Variants in ITGAL observed in about 807,000 individuals in gnomAD.
ITGAL encodes integrin alpha-L.
A neutral mutation model predicts 138.4 loss-of-function variants in ITGAL; 68 were observed. That is an observed-to-expected ratio of 0.49 (90% CI 0.40 to 0.60). ITGAL has a LOEUF of 0.60. Ranked by LOEUF, ITGAL falls within the 20% of genes least tolerant of loss-of-function variation. ITGAL has a pLI of 0.00. For missense variants in ITGAL, 1,256 were observed against 1,478.6 expected (o/e 0.85, Z 2.47); for synonymous variants, 561 against 584.3 (o/e 0.96, Z 0.57).
At position 30,499,503 on chromosome 16, in the gene ITGAL, C is replaced by T. The variant is rs372399118; in HGVS notation, c.2145+14C>T. On this transcript the variant is annotated intron_variant, in intron 17 of 30. Transcript: ENST00000356798. ...TTTCATTTCCCGGTAAGGGAGCCAG[C>T]GCCAATGCTCTGGGATGAGCTACCT... The T allele has an allele frequency of 1.4e-5, 22 of 1,611,830 alleles. No individual in the cohort carries two copies. Among genetic ancestry groups the T allele is most frequent in the Non-Finnish European group, 1.8e-5 (21 of 1,179,146 alleles).
Position 30,494,330 on chromosome 16 carries a change from C to A in ITGAL, c.1332C>A (p.His444Gln), listed in dbSNP as rs886682521. ...TCCAAGAGCCACAGGGCGGAGGACA[C>A]TGGAGCCAGGTCCAGACAATCCATG... ...LLFQEPQGGG[H>Q]WSQVQTIHGT... The change falls in exon 12 of 31, where the codon CAC becomes CAA. Residue 444 changes from histidine (H) to glutamine (Q), a missense_variant. This residue lies in a region of ITGAL where 867 missense variants were observed against 972.5 expected (regional missense o/e 0.89). Transcript: ENST00000356798. This position sits in a 1 kb window ranked among gnomAD's most constrained non-coding sequence, Gnocchi z 4.2. 1.2e-6 allele frequency: 2 copies of A among 1,612,446 alleles called. No individual in the cohort carries two copies. Among genetic ancestry groups the A allele is most frequent in the Non-Finnish European group, 1.7e-6 (2 of 1,178,850 alleles).
intron 25 of ITGAL, among the ~76,000 whole-genome samples, chr16:30,514,169 G>A (rs2051132206): frequency 6.6e-6 from 1 of 152,146 alleles, no homozygotes. Flanking sequence ...TGAGTGCAGT[G>A]GTGCAATCTC....
At chr16:30,504,986 A>G (rs1374713299) in intron 18 of ITGAL, 2 of 265,302 alleles carry the variant, frequency 7.5e-6, no homozygotes, top group Non-Finnish European at 7.0e-6. Context: ...GTGCCACTGC[A>G]CTCCAGCCTG....
At chr16:30,504,756 C>A (rs1180990802) in intron 18 of ITGAL, 1 of 154,800 alleles carries the variant, frequency 6.5e-6, no homozygotes, top group East Asian at 1.9e-4. Flanking sequence ...GTGGCTCACA[C>A]CTGTAATCCC....
At chr16:30,512,939 G>A (rs535534554) in intron 24 of ITGAL, among the ~76,000 whole-genome samples, 52 of 152,210 alleles carry the variant, frequency 3.4e-4, no homozygotes, top group South Asian at 6.2e-4. Flanking sequence ...GAACTCAGGT[G>A]ATCTACCTGC....
rs1298237728 is a variant in ITGAL at position 30,518,703 on chromosome 16, A to G, written c.3212A>G (p.Asn1071Ser). 2 of 1,613,056 alleles carry G rather than the reference A, an allele frequency of 1.2e-6. No homozygotes were observed. The highest frequency in any genetic ancestry group is 1.7e-6 in the Non-Finnish European group (2 of 1,179,254). Reference sequence around the variant, plus strand: ...AAGCATTTCCACCTCTATGGCAGCAACGCCTCCCTGGCCCAGGTATCTCCA... The same window carrying G: ...AAGCATTTCCACCTCTATGGCAGCAGCGCCTCCCTGGCCCAGGTATCTCCA... ...SSKHFHLYGS[N>S]ASLAQVVMKV... The change falls in exon 29 of 31, where the codon AAC becomes AGC. Residue 1071 changes from asparagine (N) to serine (S), a missense_variant. Asn to Ser is a conservative substitution (Grantham distance 46, BLOSUM62 1). Coordinates refer to ENST00000356798, the MANE Select transcript of ITGAL (RefSeq NM_002209.3).
At chr16:30,510,508 G>A (rs2051074094) in intron 22 of ITGAL, 37 bp downstream of exon 22, 5 of 1,235,108 alleles carry the variant, frequency 4.0e-6, no homozygotes, top group Non-Finnish European at 6.0e-6. Flanking sequence ...AAGCAGCCTA[G>A]GGGCCCTGAG....
chr16:30,489,011 G>A (rs143879849), intron 9 of ITGAL, 71 bp from the exon 10 acceptor site: 259 of 1,293,400 alleles, frequency 2.0e-4, no homozygotes, highest in Non-Finnish European at 2.6e-4. Context: ...CTTCTTCCCC[G>A]TCCTGCCATG....
chr16:30,507,457 CAAAAAAAAAACA>C (rs768576989), intron 21 of ITGAL, among the ~76,000 whole-genome samples: 1,419 of 52,532 alleles, frequency 0.027, 20 homozygotes, highest in Middle Eastern at 0.08. Flanking sequence ...AACTCCGTCT[CAAAAAAAAAACA>C]AAAAAAAAAA....
chr16:30,500,278 G>T (rs1397749866), intron 17 of ITGAL, among the ~76,000 whole-genome samples: 1 of 150,004 alleles, frequency 6.7e-6, no homozygotes, highest in African/African-American at 2.5e-5. Context: ...TAGAGTTGGG[G>T]TTTCACCATG....
At chr16:30,521,134 CG>C (rs2051246910) in intron 30 of ITGAL, among the ~76,000 whole-genome samples, 1 of 151,556 alleles carries the variant, frequency 6.6e-6, no homozygotes, top group Non-Finnish European at 1.5e-5. Context: ...TCGCTGGGCT[CG>C]GGGACTCATG....
intron 1 of ITGAL, chr16:30,473,898 C>A: frequency 1.8e-6 from 1 of 542,418 alleles, no homozygotes; most frequent in Non-Finnish European, 3.5e-6. Flanking sequence ...TCACCCTCTG[C>A]CTTGGGGCCC....
In ITGAL at chr16:30,507,935, G is replaced by T. The variant is rs1597099890; in HGVS notation, c.2508+1079G>T. ...TTATTTATTTATTTTCTGAGACGGG[G>T]TCTCGCTCTGTCACCCAGGCTGGAG... is the stretch of plus-strand genomic sequence containing the variant. On this transcript the variant is annotated intron_variant, in intron 21 of 30. Transcript: ENST00000356798. 2.0e-5 allele frequency among the ~76,000 whole-genome samples: 3 copies of T among 151,436 alleles called. No individual in the cohort carries two copies. In the East Asian group the frequency reaches 5.8e-4, roughly 29 times the overall value.
rs2050767874 is a variant in ITGAL at position 30,494,246 on chromosome 16, G to A, written c.1248G>A (p.Lys416=). The A allele has an allele frequency of 1.2e-6, 2 of 1,612,000 alleles. No homozygotes were observed. The highest frequency in any genetic ancestry group is 3.3e-5 in the Admixed American group (2 of 59,888). ...YTVTWLPSRQ[K]TSLLASGAPR... The stretch of plus-strand genomic sequence containing the variant: ...TGACCTGGCTGCCCTCCCGGCAAAA[G>A]ACTTCGTTGCTGGCCTCGGGAGCCC... Residue 416 remains lysine, a synonymous_variant, in exon 12 of 31, where the codon AAG becomes AAA. Coordinates refer to ENST00000356798, the MANE Select transcript of ITGAL (RefSeq NM_002209.3). This position sits in a 1 kb window ranked among gnomAD's most constrained non-coding sequence, Gnocchi z 4.2.
In ITGAL at chr16:30,488,702, C is replaced by CAAA. The variant is rs34533619; in HGVS notation, c.1007-357_1007-355dup. 2.3e-3 allele frequency among the ~76,000 whole-genome samples: 132 copies of CAAA among 57,532 alleles called. 2 individuals carry two copies. The highest frequency in any genetic ancestry group is 0.018 in the Middle Eastern group (2 of 110). The allele number at this position is 57,532 out of a possible 152,430, so 37.7% of individuals were successfully genotyped here. A position where few individuals can be genotyped will look rare whatever the true frequency, so the allele number is the denominator to read the frequency against. On this transcript the variant is annotated intron_variant, in intron 9 of 30. Transcript: ENST00000356798. Reference sequence around the variant, plus strand: ...TCGGTGACAGAGAGAGACTCCATCTCAAAAAAAAAAAAAAAAAAAAAAAAA... The same window carrying CAAA: ...TCGGTGACAGAGAGAGACTCCATCTCAAAAAAAAAAAAAAAAAAAAAAAAAAAA...
At chr16:30,481,879 T>G (rs756919576) in intron 7 of ITGAL, among the ~76,000 whole-genome samples, 5 of 151,932 alleles carry the variant, frequency 3.3e-5, no homozygotes, top group South Asian at 2.1e-4. Context: ...TGTTTGTTTG[T>G]TTGGTTTTTG....
intron 4 of ITGAL, among the ~76,000 whole-genome samples, chr16:30,476,004 C>T (rs1324663762): frequency 6.6e-6 from 1 of 152,010 alleles, no homozygotes; most frequent in Admixed American, 6.6e-5. Flanking sequence ...CTAATCCCAG[C>T]ACTTGGGAGG....
At position 30,521,802 on chromosome 16, in the gene ITGAL, C is replaced by T. The variant is rs941935202; in HGVS notation, c.*137C>T. On this transcript the variant is annotated 3_prime_UTR_variant, in exon 31 of 31. Coordinates refer to ENST00000356798, the MANE Select transcript of ITGAL (RefSeq NM_002209.3). ...TGGCCCTCAGTTTCCCTATCTCGAA[C>T]ATGGAACTCATTCCTGCCTGTCTCC... 3 of 788,882 alleles carry T rather than the reference C, an allele frequency of 3.8e-6. No individual in the cohort carries two copies. The highest frequency in any genetic ancestry group is 5.9e-6 in the Non-Finnish European group (3 of 508,546). 48.9% of individuals were successfully genotyped at this position (788,882 alleles called of 1,614,324 possible). A position where few individuals can be genotyped will look rare whatever the true frequency, so the allele number is the denominator to read the frequency against.
intron 1 of ITGAL, among the ~76,000 whole-genome samples, chr16:30,473,575 A>T (rs957784030): frequency 6.6e-6 from 1 of 152,188 alleles, no homozygotes; most frequent in Non-Finnish European, 1.5e-5. Flanking sequence ...AAACAAATGA[A>T]GGCCCAGCCT....
Sources: allele counts gnomAD v4.1 joint callset (sites outside exome capture counted in the v4.1 genomes callset), GRCh38; gene constraint gnomAD v4.1.1; regional missense constraint gnomAD v4.1.1; non-coding constraint Gnocchi (gnomAD v3.1); transcripts MANE v1.5; gene names NCBI Gene and HGNC (gene_info 2026-07-23, HGNC 2026-07-21).